The following UHRF1 variants were observed in gnomAD, a reference collection of about 807,000 sequenced individuals.
UHRF1 encodes ubiquitin like with PHD and ring finger domains 1.
Under a neutral mutation model 96.5 loss-of-function variants are expected in UHRF1, and 9 were observed. The observed-to-expected ratio is 0.09, with a 90% CI of 0.06 to 0.16. UHRF1 has a LOEUF of 0.16. Among genes scored for constraint, UHRF1 ranks in the 10% least tolerant of loss-of-function variants. UHRF1 has a pLI of 1.00. For missense variants in UHRF1, 626 were observed against 1,131.1 expected, an observed-to-expected ratio of 0.55 and a Z score of 6.40; for synonymous variants, 455 against 469.9, an observed-to-expected ratio of 0.97 and a Z score of 0.41.
intron 9 of UHRF1, among the ~76,000 whole-genome samples, chr19:4,945,115 C>G (rs1477761467): frequency 1.1e-4 from 17 of 152,208 alleles, no homozygotes; most frequent in Non-Finnish European, 2.9e-5. Context: ...AGCGCTGTAT[C>G]CCTAGTGCTC....
intron 13 of UHRF1, among the ~76,000 whole-genome samples, chr19:4,951,785 C>T (rs920915647): frequency 1.3e-5 from 2 of 152,052 alleles, no homozygotes; most frequent in African/African-American, 4.8e-5. Flanking sequence ...GATGAATATC[C>T]CCGAGCCATC....
rs2032979350 is a variant in UHRF1, at chr19:4,929,440, G to A, written c.372G>A (p.Glu124=). The stretch of plus-strand genomic sequence containing the variant: ...AGACTGACAGCAGGCCAGCCGATGA[G>A]GACATGTGGGATGAGACGGAATTGG... ...AAETDSRPAD[E]DMWDETELGL... is the part of the protein sequence containing the mutation. The change falls in exon 3 of 17, where the codon GAG becomes GAA. Residue 124 remains glutamate, a synonymous_variant. Coordinates refer to ENST00000650932, the MANE Select transcript of UHRF1 (RefSeq NM_001048201.3). The A allele has an allele frequency of 6.2e-7, 1 of 1,613,906 alleles. No individual in the cohort carries two copies. Among genetic ancestry groups the A allele is most frequent in the Non-Finnish European group, 8.5e-7 (1 of 1,179,886 alleles).
intron 2 of UHRF1, among the ~76,000 whole-genome samples, chr19:4,916,049 C>T (rs1231097392): frequency 1.3e-5 from 2 of 152,088 alleles, no homozygotes; most frequent in Non-Finnish European, 2.9e-5. Flanking sequence ...GTAGCTCACA[C>T]CTGTAATCCC....
In UHRF1 at chr19:4,954,295, T is replaced by G; in HGVS notation, c.1819-55T>G. 6.3e-7 allele frequency: 1 copy of G among 1,589,434 alleles called. No individual in the cohort carries two copies. The highest frequency in any genetic ancestry group is 8.6e-7 in the Non-Finnish European group (1 of 1,169,182). ...GCAAGGAGGCTGGAAGAGCGGGCTC[T>G]GCATAGCGTGTGGGCCCCAAGCCTG... On this transcript the variant is annotated intron_variant, in intron 13 of 16. Transcript: ENST00000650932. This position sits in a 1 kb window ranked among gnomAD's most constrained non-coding sequence, Gnocchi z 5.9.
intron 5 of UHRF1, among the ~76,000 whole-genome samples, chr19:4,937,568 T>C (rs1190567136): frequency 1.3e-5 from 2 of 152,150 alleles, no homozygotes; most frequent in African/African-American, 4.8e-5. Context: ...TTCTCCATGT[T>C]GGCCAGGCTG....
intron 7 of UHRF1, among the ~76,000 whole-genome samples, chr19:4,942,208 T>TC (rs1264217626): frequency 2.0e-5 from 3 of 152,030 alleles, no homozygotes; most frequent in Admixed American, 2.0e-4. Flanking sequence ...TTCTTTTTTT[T>TC]TTGCGGCGGA....
At position 4,931,863 on chromosome 19, in the gene UHRF1, C is replaced by T. The variant is rs567268782; in HGVS notation, c.570-878C>T. 4.6e-5 allele frequency among the ~76,000 whole-genome samples: 7 copies of T among 152,198 alleles called. No individual in the cohort carries two copies. In the East Asian group the frequency reaches 5.8e-4, roughly 13 times the overall value. On this transcript the variant is annotated intron_variant, in intron 4 of 16. Transcript: ENST00000650932. ...GCACCCTCCATCTCCCGGGTTCAAA[C>T]GATTCTCCTGCCTCAGCCTCCCAAG... is the stretch of plus-strand genomic sequence containing the variant.
At chr19:4,947,343 G>A (rs576632962) in intron 11 of UHRF1, 132 bp downstream of exon 11, 1 of 813,436 alleles carries the variant, frequency 1.2e-6, no homozygotes, top group Admixed American at 2.3e-5. Context: ...CCTGGCATTT[G>A]GTTCCTCCCT....
chr19:4,907,519 C>T (rs1481743678), upstream of UHRF1, among the ~76,000 whole-genome samples: 2 of 152,104 alleles, frequency 1.3e-5, no homozygotes, highest in African/African-American at 4.8e-5. Context: ...ATCTGCCTGC[C>T]TCGGCCTCCC....
chr19:4,943,811 C>T (rs1413446904), intron 7 of UHRF1, among the ~76,000 whole-genome samples: 16 of 152,030 alleles, frequency 1.1e-4, no homozygotes, highest in African/African-American at 3.4e-4. Flanking sequence ...CCACCATGCC[C>T]GGCTAATTTT....
intron 5 of UHRF1, among the ~76,000 whole-genome samples, chr19:4,935,650 C>G (rs941201329): frequency 2.6e-5 from 4 of 151,936 alleles, no homozygotes; most frequent in Non-Finnish European, 2.9e-5. Context: ...TGATGTCAAG[C>G]TAGCAAGGGA....
Position 4,909,579 on chromosome 19 carries a change from C to T in UHRF1, c.-87C>T. 2 of 654,432 alleles carry T rather than the reference C, an allele frequency of 3.1e-6. No homozygotes were observed. The highest frequency in any genetic ancestry group is 2.7e-6 in the Non-Finnish European group (1 of 364,364). The allele number at this position is 654,432 out of a possible 1,614,324, so 40.5% of individuals were successfully genotyped here. ...CACGCAAGTCCGCGCGGGGTCCGGG[C>T]CACGCACGCGGTTTCATCGCCATCC... On this transcript the variant is annotated 5_prime_UTR_variant, in exon 1 of 17. Coordinates refer to ENST00000650932, the MANE Select transcript of UHRF1 (RefSeq NM_001048201.3).
At chr19:4,947,627 A>T (rs2033608892) in intron 11 of UHRF1, among the ~76,000 whole-genome samples, 1 of 147,474 alleles carries the variant, frequency 6.8e-6, no homozygotes, top group Non-Finnish European at 1.5e-5. Flanking sequence ...CAGCCTCCTG[A>T]GTAGCTGGGA....
chr19:4,932,394 C>T (rs1332653949), intron 4 of UHRF1, among the ~76,000 whole-genome samples: 1 of 152,208 alleles, frequency 6.6e-6, no homozygotes, highest in Non-Finnish European at 1.5e-5. Context: ...AGACACCAGT[C>T]CTGTTGGATT....
intron 10 of UHRF1, among the ~76,000 whole-genome samples, chr19:4,946,847 A>T (rs141593679): frequency 6.6e-6 from 1 of 152,226 alleles, no homozygotes; most frequent in Non-Finnish European, 1.5e-5. Flanking sequence ...AAGTGCTGGG[A>T]TTACGGGTGT....
intron 2 of UHRF1, among the ~76,000 whole-genome samples, chr19:4,922,515 C>T (rs914698915): frequency 1.3e-5 from 2 of 150,488 alleles, no homozygotes; most frequent in Non-Finnish European, 3.0e-5. Context: ...GATCCATCCG[C>T]CCTCGGCCTC....
intron 7 of UHRF1, among the ~76,000 whole-genome samples, chr19:4,943,917 C>G (rs890006411): frequency 4.6e-5 from 7 of 152,314 alleles, no homozygotes; most frequent in Middle Eastern, 3.4e-3. Context: ...TCCCAAAGTG[C>G]TGGGATTACA....
In UHRF1 at chr19:4,961,600, AGAC is replaced by A. The variant is rs1209389700; in HGVS notation, c.*801_*803del. 1 of 152,430 alleles carries A rather than the reference AGAC, an allele frequency of 6.6e-6. No homozygotes were observed. Among genetic ancestry groups the A allele is most frequent in the Non-Finnish European group, 1.5e-5 (1 of 68,034 alleles). 9.4% of individuals were successfully genotyped at this position (152,430 alleles called of 1,614,324 possible). A position where few individuals can be genotyped will look rare whatever the true frequency, so the allele number is the denominator to read the frequency against. ...CCTTTGATTCGTTCCTTCTTTCTAA[AGAC>A]GACAGTCTTTGTTGTTAGCACTGAA... On this transcript the variant is annotated 3_prime_UTR_variant, in exon 17 of 17. Coordinates refer to ENST00000650932, the MANE Select transcript of UHRF1 (RefSeq NM_001048201.3).
Position 4,944,115 on chromosome 19 carries a change from C to A in UHRF1, c.1074-17C>A. On this transcript the variant is annotated splice_polypyrimidine_tract_variant and intron_variant, in intron 7 of 16. Transcript: ENST00000650932. ...CTGCCAGGCTAGGCGTGGGCAGTGACAATCCCGACCTCGCAGGTACTGCCC... is the reference window on the plus strand; with the variant it reads ...CTGCCAGGCTAGGCGTGGGCAGTGAAAATCCCGACCTCGCAGGTACTGCCC... 1 of 1,613,044 alleles carries A rather than the reference C, an allele frequency of 6.2e-7. No individual in the cohort carries two copies. Among genetic ancestry groups the A allele is most frequent in the African/African-American group, 1.3e-5 (1 of 75,038 alleles).
Sources: gnomAD v4.1 joint callset for allele counts (sites outside exome capture counted in the v4.1 genomes callset) on GRCh38, gnomAD v4.1.1 for gene constraint, Gnocchi (gnomAD v3.1) non-coding constraint, MANE v1.5 for transcripts, NCBI Gene and HGNC (gene_info 2026-07-23, HGNC 2026-07-21) for gene names.